The following SEMA3G variants were observed in gnomAD, a reference collection of about 807,000 sequenced individuals.
The protein encoded by SEMA3G is semaphorin 3G.
SEMA3G carries 70 observed loss-of-function variants against 86.2 expected under a neutral mutation model. The ratio of observed to expected loss-of-function variants is 0.81; its 90% CI spans 0.67 to 0.99. SEMA3G has a LOEUF of 0.99. SEMA3G is among the 50% of genes least tolerant of loss of function. The pLI, the probability that SEMA3G is intolerant of heterozygous loss-of-function variation, is 0.00. For synonymous variants in SEMA3G, 416 were observed against 441.4 expected (o/e 0.94, Z 0.72); for missense variants, 1,002 against 1,072.4 (o/e 0.93, Z 0.92).
chr3:52,436,595 G>A (rs114850948), intron 15 of SEMA3G, among the ~76,000 whole-genome samples: 2,251 of 152,322 alleles, frequency 0.015, 62 homozygotes, highest in African/African-American at 0.052. Context: ...ATCCTGGTCT[G>A]AACCGTTCAT....
intron 10 of SEMA3G, 102 bp from the exon 11 acceptor site, chr3:52,440,200 C>T (rs891133727): frequency 7.2e-5 from 87 of 1,215,598 alleles, no homozygotes; most frequent in Non-Finnish European, 9.3e-5. Context: ...TCTCTCACTG[C>T]AGGAGGGCTC....
intron 1 of SEMA3G, 168 bp from the exon 2 acceptor site, chr3:52,443,075 G>C: frequency 4.6e-6 from 7 of 1,530,280 alleles, no homozygotes; most frequent in Non-Finnish European, 6.1e-6. Flanking sequence ...GGCTCCTGGG[G>C]ACAGGTGGGA....
In SEMA3G at chr3:52,442,705, C is replaced by T. The variant is rs1311124345; in HGVS notation, c.276+42G>A. The stretch of plus-strand genomic sequence containing the variant: ...CATCTGGCCTCCCATCTGGAGGTGC[C>T]CAGTTCTCAAACAGACCCTCTTCCC... On this transcript the variant is annotated intron_variant, in intron 2 of 15. Transcript: ENST00000231721. The surrounding 1 kb of genome is among the most constrained non-coding windows in gnomAD (Gnocchi z 6.1). 1.2e-6 allele frequency: 2 copies of T among 1,613,670 alleles called. No individual in the cohort carries two copies. Among genetic ancestry groups the T allele is most frequent in the Non-Finnish European group, 1.7e-6 (2 of 1,179,744 alleles).
rs745343775 is a variant in SEMA3G at position 52,439,696 on chromosome 3, T to A, written c.1451A>T (p.Glu484Val). The A allele has an allele frequency of 6.2e-7, 1 of 1,613,758 alleles. No homozygotes were observed. Among genetic ancestry groups the A allele is most frequent in the East Asian group, 2.2e-5 (1 of 44,858 alleles). ...SAEPEEVVLE[E>V]LQVFKVPTPI... is the part of the protein sequence containing the mutation. ...CTTGCTTACCTTAAACACCTGGAGC[T>A]CCTCCAGAACCACTTCCTCAGGTTC... The change falls in exon 12 of 16, where the codon GAG becomes GTG. Residue 484 changes from glutamate to valine, a missense_variant. By Grantham distance (121) the Glu-to-Val change is moderately radical. Coordinates refer to ENST00000231721, the MANE Select transcript of SEMA3G (RefSeq NM_020163.3).
chr3:52,440,876 C>G, intron 8 of SEMA3G, 53 bp from the exon 9 acceptor site: 3 of 1,600,382 alleles, frequency 1.9e-6, no homozygotes, highest in Non-Finnish European at 2.6e-6. Flanking sequence ...TGCCCTGACT[C>G]ACCAGCTCTC....
Position 52,435,890 on chromosome 3 carries a change from T to C in SEMA3G, c.2062A>G (p.Lys688Glu). The change falls in exon 16 of 16, where the codon AAG (lysine) becomes GAG (glutamate). Residue 688 changes from lysine (K) to glutamate (E), a missense_variant. By Grantham distance (56) the Lys-to-Glu change is moderately conservative. Coordinates refer to ENST00000231721, the MANE Select transcript of SEMA3G (RefSeq NM_020163.3). ...QLDNLFPPEP[K>E]PEEPPARGGL... ...CCCCGGGCTGGGGGCTCCTCTGGCT[T>C]TGGCTCCGGAGGGAACAGGTTGTCC... 1 of 1,614,038 alleles carries C rather than the reference T, an allele frequency of 6.2e-7. No individual in the cohort carries two copies. The highest frequency in any genetic ancestry group is 1.3e-5 in the African/African-American group (1 of 75,046).
At chr3:52,443,540 C>T (rs1202204549) in intron 1 of SEMA3G, among the ~76,000 whole-genome samples, 1 of 152,142 alleles carries the variant, frequency 6.6e-6, no homozygotes, top group East Asian at 1.9e-4. Context: ...GTCCTCCGGG[C>T]TTGGCTAGGG....
Position 52,437,578 on chromosome 3 carries a change from C to G in SEMA3G, c.1827G>C (p.Gln609His), listed in dbSNP as rs768780139. 6.2e-7 allele frequency: 1 copy of G among 1,613,282 alleles called. No homozygotes were observed. Among genetic ancestry groups the G allele is most frequent in the South Asian group, 1.1e-5 (1 of 91,078 alleles). ...TCTGCAAGAGCCAGCGCACAGCAGC[C>G]TGGGGAGACTTGGGCAGGCACTCCA... ...TFLECLPKSP[Q>H]AAVRWLLQRP... Residue 609 changes from glutamine (Q) to histidine (H), a missense_variant, in exon 15 of 16, where the codon CAG becomes CAC. By Grantham distance (24) the Gln-to-His change is conservative. Coordinates refer to ENST00000231721, the MANE Select transcript of SEMA3G (RefSeq NM_020163.3).
At position 52,441,854 on chromosome 3, in the gene SEMA3G, T is replaced by A; in HGVS notation, c.515A>T (p.His172Leu). 1 of 1,599,760 alleles carries A rather than the reference T, an allele frequency of 6.3e-7. No homozygotes were observed. The highest frequency in any genetic ancestry group is 8.5e-7 in the Non-Finnish European group (1 of 1,173,420). The change falls in exon 5 of 16, where the codon CAC becomes CTC. Residue 172 changes from histidine to leucine, a missense_variant. Transcript: ENST00000231721. ...GCTGGCAAAGGGACGGCTGGGCTCG[T>A]GAGGGCACCGCCCCCGGCCACTTTC... ...SVESGRGRCP[H>L]EPSRPFASTF...
chr3:52,441,450 C>T, intron 6 of SEMA3G, 41 bp from the exon 7 acceptor site: 1 of 1,608,150 alleles, frequency 6.2e-7, no homozygotes, highest in Non-Finnish European at 8.5e-7. Flanking sequence ...AGGGGCCCCA[C>T]AGGGGAGGAT....
At chr3:52,444,186 C>T (rs1441466255) in intron 1 of SEMA3G, among the ~76,000 whole-genome samples, 22 of 152,180 alleles carry the variant, frequency 1.4e-4, no homozygotes, top group Admixed American at 1.4e-3. Flanking sequence ...GCCAGTTGAG[C>T]CCAGACAGAC....
intron 15 of SEMA3G, 115 bp downstream of exon 15, chr3:52,437,412 G>T: frequency 1.7e-6 from 2 of 1,202,806 alleles, no homozygotes. Context: ...CTTTTTTTAG[G>T]TTAATCTTGG....
At chr3:52,441,079 G>C (rs1461590707) in intron 7 of SEMA3G, 31 bp from the exon 8 acceptor site, 2 of 1,547,498 alleles carry the variant, frequency 1.3e-6, no homozygotes, top group African/African-American at 2.7e-5. Flanking sequence ...GTCACGCTTG[G>C]GCCCCACGAG....
Position 52,440,284 on chromosome 3 carries a change from G to T in SEMA3G, c.1143+93C>A, listed in dbSNP as rs1183753639. 4.4e-6 allele frequency: 6 copies of T among 1,369,716 alleles called. 1 individual carries two copies. The East Asian group carries it at 9.6e-5, about 22-fold the overall frequency. 84.8% of individuals were successfully genotyped at this position (1,369,716 alleles called of 1,614,324 possible). On this transcript the variant is annotated intron_variant, in intron 10 of 15. Transcript: ENST00000231721. ...AGGCTTGGCCAACGTCCGCTGCCGT[G>T]GGGGTGCATGGGGACATGAGGCCAC...
At position 52,434,016 on chromosome 3, in the gene SEMA3G, AGGTGCCAGG is replaced by A; in HGVS notation, c.*1578_*1586del. 1 of 152,250 alleles carries A rather than the reference AGGTGCCAGG, an allele frequency of 6.6e-6. No individual in the cohort carries two copies. The highest frequency in any genetic ancestry group is 1.9e-4 in the East Asian group (1 of 5,172). The allele number at this position is 152,250 out of a possible 1,614,324, so 9.4% of individuals were successfully genotyped here. ...ACTATTTCAGGTCCCAGTTCTCTGG[AGGTGCCAGG>A]GGTAAGGGAAAGATAAAACCCAAGG... On this transcript the variant is annotated 3_prime_UTR_variant, in exon 16 of 16. Coordinates refer to ENST00000231721, the MANE Select transcript of SEMA3G (RefSeq NM_020163.3). This position sits in a 1 kb window ranked among gnomAD's most constrained non-coding sequence, Gnocchi z 5.2.
Position 52,442,028 on chromosome 3 carries a change from C to T in SEMA3G, c.460-119G>A, listed in dbSNP as rs2153229704. Reference sequence around the variant, plus strand: ...AGCGGGGGTGGGCGGAAGGCGTCCTCATCCAGGGCCCCTCTAATGGGGTCA... The same window carrying T: ...AGCGGGGGTGGGCGGAAGGCGTCCTTATCCAGGGCCCCTCTAATGGGGTCA... On this transcript the variant is annotated intron_variant, in intron 4 of 15. Coordinates refer to ENST00000231721, the MANE Select transcript of SEMA3G (RefSeq NM_020163.3). This position sits in a 1 kb window ranked among gnomAD's most constrained non-coding sequence, Gnocchi z 6.1. 1 of 1,317,342 alleles carries T rather than the reference C, an allele frequency of 7.6e-7. No homozygotes were observed. The highest frequency in any genetic ancestry group is 2.5e-5 in the East Asian group (1 of 39,600). 81.6% of individuals were successfully genotyped at this position (1,317,342 alleles called of 1,614,324 possible).
intron 15 of SEMA3G, among the ~76,000 whole-genome samples, chr3:52,436,851 C>T (rs529417582): frequency 1.1e-3 from 171 of 152,346 alleles, no homozygotes; most frequent in Non-Finnish European, 2.0e-3. Context: ...ACAGCTGGCC[C>T]AAGGCTGGCC....
chr3:52,441,188 G>A (rs1706146828), intron 7 of SEMA3G, 76 bp downstream of exon 7: 2 of 1,557,134 alleles, frequency 1.3e-6, no homozygotes, highest in South Asian at 1.2e-5. Flanking sequence ...TGCTGGCCAG[G>A]GGTGGGGGGA....
intron 13 of SEMA3G, chr3:52,438,436 C>T: frequency 1.0e-6 from 1 of 985,438 alleles, no homozygotes; most frequent in Non-Finnish European, 1.2e-6. Context: ...CTCTAAGGGG[C>T]TTCTCCAGGC....
Sources: gnomAD v4.1 joint callset for allele counts (sites outside exome capture counted in the v4.1 genomes callset) on GRCh38, gnomAD v4.1.1 for gene constraint, Gnocchi (gnomAD v3.1) non-coding constraint, MANE v1.5 for transcripts, NCBI Gene and HGNC (gene_info 2026-07-23, HGNC 2026-07-21) for gene names.